Variants in CDC42BPB observed in about 807,000 individuals in gnomAD.
CDC42BPB encodes the protein CDC42 binding protein kinase beta.
CDC42BPB carries 37 observed loss-of-function variants against 214.9 expected under a neutral mutation model. The observed-to-expected ratio is 0.17, with a 90% confidence interval of 0.13 to 0.23. CDC42BPB has a LOEUF of 0.23. Ranked by LOEUF, CDC42BPB falls within the 10% of genes least tolerant of loss-of-function variation. The pLI is 1.00. For synonymous variants in CDC42BPB, 931 were observed against 884.0 expected, an observed-to-expected ratio of 1.05 and a Z score of -0.94; for missense variants, 1,694 against 2,227.0, an observed-to-expected ratio of 0.76 and a Z score of 4.82.
intron 30 of CDC42BPB, among the ~76,000 whole-genome samples, chr14:102,941,804 C>T (rs1891902674): frequency 2.6e-5 from 4 of 152,228 alleles, no homozygotes; most frequent in Admixed American, 2.6e-4. Flanking sequence ...GCTGATAACA[C>T]CTGCCCTAAG....
intron 1 of CDC42BPB, among the ~76,000 whole-genome samples, chr14:103,046,943 G>A (rs1010262575): frequency 6.6e-5 from 10 of 151,246 alleles, no homozygotes; most frequent in South Asian, 2.1e-4. Context: ...GAGCCGCCGC[G>A]CCCAGCCTTA....
At position 102,932,408 on chromosome 14, in the gene CDC42BPB, T is replaced by C; in HGVS notation, c.*1304A>G. 6.6e-6 allele frequency: 1 copy of C among 152,296 alleles called. No individual in the cohort carries two copies. The highest frequency in any genetic ancestry group is 2.4e-5 in the African/African-American group (1 of 41,432). The allele number at this position is 152,296 out of a possible 1,614,324, so 9.4% of individuals were successfully genotyped here. A position where few individuals can be genotyped will look rare whatever the true frequency, so the allele number is the denominator to read the frequency against. ...TTTAAAACTGCCGTCTTCTGCTTTATTGACAGGTAAATTGTTCAAAAATGT... is the reference window on the plus strand; with the variant it reads ...TTTAAAACTGCCGTCTTCTGCTTTACTGACAGGTAAATTGTTCAAAAATGT... On this transcript the variant is annotated 3_prime_UTR_variant, in exon 37 of 37. Coordinates refer to ENST00000361246, the MANE Select transcript of CDC42BPB (RefSeq NM_006035.4).
chr14:103,032,447 C>T (rs751309846), intron 1 of CDC42BPB, among the ~76,000 whole-genome samples: 3 of 146,684 alleles, frequency 2.0e-5, no homozygotes, highest in Non-Finnish European at 4.5e-5. Flanking sequence ...TGTCAAATGC[C>T]AAATTTGTCC....
chr14:102,964,443 C>A (rs375923656), intron 19 of CDC42BPB, 59 bp downstream of exon 19: 3 of 1,588,970 alleles, frequency 1.9e-6, no homozygotes, highest in African/African-American at 1.4e-5. Context: ...AGGCTCAGGG[C>A]GGGCTCGAGG....
Position 102,970,271 on chromosome 14 carries a change from G to GT in CDC42BPB, c.1885-11_1885-10insA. On this transcript the variant is annotated splice_polypyrimidine_tract_variant and intron_variant, in intron 13 of 36. Coordinates refer to ENST00000361246, the MANE Select transcript of CDC42BPB (RefSeq NM_006035.4). The stretch of plus-strand genomic sequence containing the variant: ...CAAGCTGAGCTTCCAGCTACAAAAG[G>GT]AAGATCCAGTTTCTATTAACAAAAA... 1.2e-6 allele frequency: 2 copies of GT among 1,607,064 alleles called. No individual in the cohort carries two copies. Among genetic ancestry groups the GT allele is most frequent in the Non-Finnish European group, 8.5e-7 (1 of 1,176,510 alleles).
intron 1 of CDC42BPB, among the ~76,000 whole-genome samples, chr14:103,049,576 G>A (rs1595195332): frequency 6.6e-6 from 1 of 152,246 alleles, no homozygotes; most frequent in East Asian, 1.9e-4. Flanking sequence ...GACTGGTAGA[G>A]GGACTGCTGT....
chr14:102,952,722 C>T, intron 23 of CDC42BPB, 119 bp from the exon 24 acceptor site: 3 of 1,479,168 alleles, frequency 2.0e-6, no homozygotes, highest in Non-Finnish European at 2.7e-6. Flanking sequence ...TGGAAATGTG[C>T]AAGTTCTGGT....
rs1456288214 is a variant in CDC42BPB at position 102,963,063 on chromosome 14, G to A, written c.2819C>T (p.Thr940Ile). ...KKMEEKFRAD[T>I]GLKLPDFQDS... The stretch of plus-strand genomic sequence containing the variant: ...AGAATCGCACAACATTAATTTACCA[G>A]TATCTGCTCTGAATTTTTCTTCCAT... The change falls in exon 20 of 37, where the codon ACT (threonine) becomes ATT (isoleucine). Residue 940 changes from threonine (T) to isoleucine (I), a missense_variant and splice_region_variant. By Grantham distance (89) the Thr-to-Ile change is moderately conservative (BLOSUM62 -1). Coordinates refer to ENST00000361246, the MANE Select transcript of CDC42BPB (RefSeq NM_006035.4). 1 of 1,297,890 alleles carries A rather than the reference G, an allele frequency of 7.7e-7. No homozygotes were observed. The highest frequency in any genetic ancestry group is 1.5e-5 in the African/African-American group (1 of 68,486). The allele number at this position is 1,297,890 out of a possible 1,614,324, so 80.4% of individuals were successfully genotyped here. A position where few individuals can be genotyped will look rare whatever the true frequency, so the allele number is the denominator to read the frequency against.
intron 1 of CDC42BPB, among the ~76,000 whole-genome samples, chr14:103,016,910 G>A (rs1886496775): frequency 6.6e-6 from 1 of 152,152 alleles, no homozygotes; most frequent in Non-Finnish European, 1.5e-5. Flanking sequence ...ATAGGACAGG[G>A]CTCCTCAGGC....
intron 3 of CDC42BPB, among the ~76,000 whole-genome samples, chr14:103,005,761 C>T (rs770153496): frequency 2.0e-5 from 3 of 151,436 alleles, no homozygotes; most frequent in African/African-American, 7.3e-5. Flanking sequence ...GTGGCTCACG[C>T]GTGTAATCCC....
At position 102,944,816 on chromosome 14, in the gene CDC42BPB, G is replaced by A. The variant is rs771409992; in HGVS notation, c.3812-329C>T. On this transcript the variant is annotated intron_variant, in intron 29 of 36. Transcript: ENST00000361246. The surrounding 1 kb of genome is among the most constrained non-coding windows in gnomAD (Gnocchi z 6.6). ...GCAGCGCTTCCACCTGGGTCCTCGC[G>A]CAGCAAGGCCCTGGGGTGATCTGGG... Among the ~76,000 whole-genome samples, 5 of 152,116 alleles carry A rather than the reference G, an allele frequency of 3.3e-5. No homozygotes were observed. Among genetic ancestry groups the A allele is most frequent in the East Asian group, 1.9e-4 (1 of 5,198 alleles).
In CDC42BPB at chr14:102,939,186, G is replaced by A. The variant is rs563270138; in HGVS notation, c.4827+424C>T. 8.1e-4 allele frequency among the ~76,000 whole-genome samples: 122 copies of A among 151,432 alleles called. 1 individual carries two copies. Among genetic ancestry groups the A allele is most frequent in the African/African-American group, 2.8e-3 (114 of 41,230 alleles). ...GATCTCCTGACCTCGTGATCCGCCC[G>A]CCTCGGCCTCCCAAAGTGCTGGGAT... On this transcript the variant is annotated intron_variant, in intron 34 of 36. Transcript: ENST00000361246.
At chr14:102,972,227 G>A (rs1409006486) in intron 12 of CDC42BPB, 66 bp from the exon 13 acceptor site, 2 of 1,584,378 alleles carry the variant, frequency 1.3e-6, no homozygotes, top group Non-Finnish European at 1.7e-6. Flanking sequence ...TGGAGGTTCG[G>A]TCTTCCATGA....
intron 17 of CDC42BPB, 152 bp downstream of exon 17, chr14:102,966,894 T>G: frequency 2.3e-6 from 2 of 855,442 alleles, no homozygotes; most frequent in Non-Finnish European, 3.6e-6. Context: ...GCCCCAGACA[T>G]GAGAAGTTCT....
intron 21 of CDC42BPB, among the ~76,000 whole-genome samples, chr14:102,957,956 G>A (rs547713377): frequency 6.6e-6 from 1 of 152,362 alleles, no homozygotes; most frequent in East Asian, 1.9e-4. Context: ...ACCCACAACT[G>A]ATGAAGATGA....
intron 3 of CDC42BPB, among the ~76,000 whole-genome samples, chr14:103,005,998 G>A (rs1486680186): frequency 6.9e-6 from 1 of 144,924 alleles, no homozygotes; most frequent in East Asian, 2.0e-4. Context: ...CAGCCTGGGC[G>A]ACAGGGAGAG....
At chr14:102,966,500 G>A (rs1345324050) in intron 17 of CDC42BPB, 113 bp from the exon 18 acceptor site, 1 of 1,505,016 alleles carries the variant, frequency 6.6e-7, no homozygotes, top group African/African-American at 1.4e-5. Flanking sequence ...TGTCACGTCA[G>A]CTAGAGTGCC....
intron 30 of CDC42BPB, chr14:102,940,986 A>G (rs544269566): frequency 2.6e-4 from 115 of 450,418 alleles, no homozygotes; most frequent in Non-Finnish European, 2.2e-4. Context: ...AAGCAACTCC[A>G]CCCAAGGTGC....
chr14:103,051,659 T>G (rs909007344), intron 1 of CDC42BPB, among the ~76,000 whole-genome samples: 1 of 152,262 alleles, frequency 6.6e-6, no homozygotes, highest in Non-Finnish European at 1.5e-5. Context: ...TTCTGTAATT[T>G]ACATGCATTT....
Sources: gnomAD v4.1 joint callset for allele counts (sites outside exome capture counted in the v4.1 genomes callset) on GRCh38, gnomAD v4.1.1 for gene constraint, Gnocchi (gnomAD v3.1) non-coding constraint, MANE v1.5 for transcripts, NCBI Gene and HGNC (gene_info 2026-07-23, HGNC 2026-07-21) for gene names.